MATN2: variants seen among roughly 807,000 people sequenced by gnomAD.
The protein encoded by MATN2 is matrilin-2.
A neutral mutation model predicts 103.2 loss-of-function variants in MATN2; 69 were observed. The ratio of observed to expected loss-of-function variants is 0.67; its 90% confidence interval spans 0.55 to 0.82. The LOEUF (loss-of-function observed/expected upper bound fraction) is 0.82. Ranked by LOEUF, MATN2 falls within the 40% of genes least tolerant of loss-of-function variation. The probability of loss-of-function intolerance (pLI) is 0.00; values close to 1 mark genes in which losing one functional copy is unlikely to be tolerated. For synonymous variants in MATN2, 429 were observed against 450.2 expected (o/e 0.95, Z 0.60); for missense variants, 1,023 against 1,211.5 (o/e 0.84, Z 2.31).
At chr8:97,915,200 C>T (rs963086530) in intron 2 of MATN2, among the ~76,000 whole-genome samples, 1 of 152,108 alleles carries the variant, frequency 6.6e-6, no homozygotes, top group Admixed American at 6.6e-5. Context: ...CCATGTTGCC[C>T]AGGCTGGTCT....
At chr8:97,962,339 CTATTT>C in intron 5 of MATN2, among the ~76,000 whole-genome samples, 1 of 152,206 alleles carries the variant, frequency 6.6e-6, no homozygotes, top group Non-Finnish European at 1.5e-5. Flanking sequence ...TTTCAGGACC[CTATTT>C]TATTTTGCTT....
In MATN2 at chr8:98,005,767, G is replaced by A. The variant is rs531397896; in HGVS notation, c.1328-1338G>A. ...ATAAACTCCCTGCATCCTCACAGCCGCCCTACTGGGCACCCACATTCTTGT... is the reference window on the plus strand; with the variant it reads ...ATAAACTCCCTGCATCCTCACAGCCACCCTACTGGGCACCCACATTCTTGT... On this transcript the variant is annotated intron_variant, in intron 8 of 18. Transcript: ENST00000254898. This position sits in a 1 kb window ranked among gnomAD's most constrained non-coding sequence, Gnocchi z 4.6. Among the ~76,000 whole-genome samples the A allele has an allele frequency of 4.2e-4, 64 of 152,272 alleles. No individual in the cohort carries two copies. Among genetic ancestry groups the A allele is most frequent in the Non-Finnish European group, 6.8e-4 (46 of 68,016 alleles).
intron 13 of MATN2, among the ~76,000 whole-genome samples, chr8:98,027,189 G>A (rs899970506): frequency 1.3e-5 from 2 of 151,944 alleles, no homozygotes; most frequent in African/African-American, 4.8e-5. Context: ...CGTTTTGCTT[G>A]TGAAAAATAC....
intron 2 of MATN2, among the ~76,000 whole-genome samples, chr8:97,900,934 C>T (rs1185001616): frequency 1.3e-5 from 2 of 152,002 alleles, no homozygotes; most frequent in African/African-American, 4.8e-5. Context: ...GACTCTGTCC[C>T]CGCCCCCCCA....
At chr8:98,014,926 A>G (rs1813308780) in intron 10 of MATN2, among the ~76,000 whole-genome samples, 1 of 152,186 alleles carries the variant, frequency 6.6e-6, no homozygotes, top group South Asian at 2.1e-4. Flanking sequence ...ATTCTACTCA[A>G]TCTGAAAGGA....
chr8:97,968,235 G>A (rs185045891), intron 5 of MATN2, among the ~76,000 whole-genome samples: 14 of 152,344 alleles, frequency 9.2e-5, no homozygotes, highest in African/African-American at 3.4e-4. Context: ...CTGGGCCTTT[G>A]ATGGGGAGTG....
chr8:97,974,418 T>C (rs1811764956), intron 5 of MATN2, among the ~76,000 whole-genome samples: 1 of 151,568 alleles, frequency 6.6e-6, no homozygotes. Flanking sequence ...GGATTACAGA[T>C]GTGAGCCTTT....
Position 98,026,255 on chromosome 8 carries a change from T to A in MATN2, c.1943-1161T>A, listed in dbSNP as rs1008578440. 2.6e-4 allele frequency among the ~76,000 whole-genome samples: 38 copies of A among 145,222 alleles called. No homozygotes were observed. In the South Asian group the frequency reaches 6.3e-3, roughly 24 times the overall value. ...ATGGTGATAACTTTTTTTTTAATTT[T>A]GTTTTTTTTTTTTTTACGGAGAGAT... On this transcript the variant is annotated intron_variant, in intron 13 of 18. Transcript: ENST00000254898.
At chr8:97,915,461 C>G (rs915191990) in intron 2 of MATN2, among the ~76,000 whole-genome samples, 5 of 152,176 alleles carry the variant, frequency 3.3e-5, no homozygotes, top group African/African-American at 9.7e-5. Flanking sequence ...GAATTGTCTC[C>G]GAAGACAAAC....
Position 97,880,064 on chromosome 8 carries a change from G to T in MATN2, c.-26-8011G>T, listed in dbSNP as rs1044049130. Among the ~76,000 whole-genome samples the T allele has an allele frequency of 3.4e-5, 5 of 147,314 alleles. No individual in the cohort carries two copies. The South Asian group carries it at 8.7e-4, about 26-fold the overall frequency. On this transcript the variant is annotated intron_variant, in intron 1 of 18. Transcript: ENST00000254898. ...TGAGCCTGATGTCTAGGAATTTATC[G>T]TTAGAAAAATCTTTCTTTCTTTTTT...
chr8:97,969,025 TG>T lies in MATN2; in HGVS notation c.958+7497del, dbSNP rs149543504. 3.1e-3 allele frequency among the ~76,000 whole-genome samples: 468 copies of T among 152,334 alleles called. 1 individual carries two copies. The highest frequency in any genetic ancestry group is 9.0e-3 in the African/African-American group (375 of 41,544). On this transcript the variant is annotated intron_variant, in intron 5 of 18. Coordinates refer to ENST00000254898, the MANE Select transcript of MATN2 (RefSeq NM_002380.5). ...GAAGCATGGCATTGGCCTCTGCTTC[TG>T]GTGAGGGCCTCAGAAAGTTTACAAT...
rs1809550498 is a variant in MATN2, at chr8:97,914,380, T to C, written c.143-16573T>C. Among the ~76,000 whole-genome samples, 3 of 139,684 alleles carry C rather than the reference T, an allele frequency of 2.1e-5. No individual in the cohort carries two copies. In the South Asian group the frequency reaches 7.4e-4, roughly 35 times the overall value. The allele number at this position is 139,684 out of a possible 152,430, so 91.6% of individuals were successfully genotyped here. On this transcript the variant is annotated intron_variant, in intron 2 of 18. Transcript: ENST00000254898. ...GACCTTTTTTTTTTTTTTTTTTTTT[T>C]TTTTTTTTGGAACAGGGTCTTGCTC... is the stretch of plus-strand genomic sequence containing the variant.
intron 2 of MATN2, among the ~76,000 whole-genome samples, chr8:97,888,670 G>A (rs1312533852): frequency 2.0e-5 from 3 of 152,084 alleles, no homozygotes; most frequent in African/African-American, 7.2e-5. Flanking sequence ...ACTGAATCGA[G>A]GTATTAGGAA....
At chr8:98,033,477 C>G in intron 17 of MATN2, 84 bp from the exon 18 acceptor site, 1 of 740,202 alleles carries the variant, frequency 1.4e-6, no homozygotes, top group Non-Finnish European at 2.2e-6. Context: ...ATGGTTTCCT[C>G]CATATGCTGA....
At chr8:97,996,252 A>G (rs1386014398) in intron 7 of MATN2, among the ~76,000 whole-genome samples, 1 of 152,170 alleles carries the variant, frequency 6.6e-6, no homozygotes. Context: ...TGAGTCCCTT[A>G]ATTTCTGCTA....
At chr8:97,902,178 G>GTT (rs761236013) in intron 2 of MATN2, among the ~76,000 whole-genome samples, 2 of 141,462 alleles carry the variant, frequency 1.4e-5, no homozygotes, top group Admixed American at 7.1e-5. Context: ...ACATGTATTT[G>GTT]TTTTTTTTTT....
chr8:98,022,348 T>TAC (rs1195964700), intron 13 of MATN2, among the ~76,000 whole-genome samples: 1 of 128,496 alleles, frequency 7.8e-6, no homozygotes, highest in Non-Finnish European at 1.6e-5. Flanking sequence ...CTAATGTGTA[T>TAC]ACCCTTATGC....
chr8:97,942,981 T>A (rs540998336), intron 4 of MATN2, among the ~76,000 whole-genome samples: 2 of 152,192 alleles, frequency 1.3e-5, no homozygotes, highest in South Asian at 4.2e-4. Flanking sequence ...GGACTCTGAA[T>A]CGCAGGGGTG....
chr8:97,889,429 T>C (rs1818550791), intron 2 of MATN2, among the ~76,000 whole-genome samples: 1 of 133,346 alleles, frequency 7.5e-6, no homozygotes, highest in South Asian at 2.6e-4. Context: ...TCCAAGATGA[T>C]AAACAACATC....
Sources: allele counts gnomAD v4.1 joint callset (sites outside exome capture counted in the v4.1 genomes callset), GRCh38; gene constraint gnomAD v4.1.1; non-coding constraint Gnocchi (gnomAD v3.1); transcripts MANE v1.5; gene names NCBI Gene and HGNC (gene_info 2026-07-23, HGNC 2026-07-21).